The following MAST4 variants were observed in gnomAD, a reference collection of about 807,000 sequenced individuals.
MAST4 encodes microtubule-associated serine/threonine-protein kinase 4.
In MAST4, 89 loss-of-function variants were observed where a neutral mutation model predicts 162.7. The observed-to-expected ratio is 0.55, with a 90% CI of 0.46 to 0.65. The LOEUF is 0.65. Among genes scored for constraint, MAST4 ranks in the 30% least tolerant of loss-of-function variants. The pLI is 0.00. For missense variants in MAST4, 3,153 were observed against 3,374.0 expected, an observed-to-expected ratio of 0.93 and a Z score of 1.62; for synonymous variants, 1,479 against 1,361.1, an observed-to-expected ratio of 1.09 and a Z score of -1.91.
Position 66,614,312 on chromosome 5 carries a change from A to G in MAST4, c.363+17294A>G, listed in dbSNP as rs372559612. Reference sequence around the variant, plus strand: ...TATTTTTATTATAACCACAGTGTGTACTCTGGACTTTTGAAATTTGTAGCT... The same window carrying G: ...TATTTTTATTATAACCACAGTGTGTGCTCTGGACTTTTGAAATTTGTAGCT... On this transcript the variant is annotated intron_variant, in intron 1 of 28. Transcript: ENST00000403625. 2.3e-4 allele frequency among the ~76,000 whole-genome samples: 35 copies of G among 152,252 alleles called. 1 individual carries two copies. Among genetic ancestry groups the G allele is most frequent in the African/African-American group, 7.9e-4 (33 of 41,538 alleles).
In MAST4 at chr5:66,812,650, C is replaced by T. The variant is rs561701629; in HGVS notation, c.642+23856C>T. Among the ~76,000 whole-genome samples, 291 of 152,236 alleles carry T rather than the reference C, an allele frequency of 1.9e-3. 1 individual carries two copies. The highest frequency in any genetic ancestry group is 3.2e-3 in the Non-Finnish European group (221 of 68,010). On this transcript the variant is annotated intron_variant, in intron 3 of 28. Transcript: ENST00000403625. ...ACGGTTGAATTAGGGAGTTGTAGGG[C>T]TGAGGGTGAATGTGTGGATTTTGCA...
intron 2 of MAST4, among the ~76,000 whole-genome samples, chr5:66,783,567 TC>T (rs1392253107): frequency 6.6e-6 from 1 of 152,222 alleles, no homozygotes. Flanking sequence ...TAAGGACAGA[TC>T]AGTTACTGGA....
At chr5:66,703,160 G>A (rs80343313) in intron 1 of MAST4, among the ~76,000 whole-genome samples, 3,741 of 152,150 alleles carry the variant, frequency 0.025, 165 homozygotes, top group African/African-American at 0.086. Context: ...AGGGGAGTAG[G>A]GGGTAGGAGG....
At chr5:66,637,228 G>A (rs1745178584) in intron 1 of MAST4, among the ~76,000 whole-genome samples, 1 of 134,468 alleles carries the variant, frequency 7.4e-6, no homozygotes, top group Non-Finnish European at 1.5e-5. Flanking sequence ...TTGGGCATAG[G>A]ATTATTTCCA....
intron 3 of MAST4, among the ~76,000 whole-genome samples, chr5:66,808,450 CTTTATA>C (rs1467178306): frequency 5.9e-5 from 9 of 152,172 alleles, no homozygotes; most frequent in Admixed American, 3.9e-4. Flanking sequence ...GTTCAGAATA[CTTTATA>C]TTTAAAGATA....
intron 3 of MAST4, among the ~76,000 whole-genome samples, chr5:66,889,119 G>A (rs1316470132): frequency 1.3e-5 from 2 of 152,164 alleles, no homozygotes; most frequent in African/African-American, 4.8e-5. Context: ...AAAGTCGATG[G>A]TAACTTTCTT....
Position 67,164,815 on chromosome 5 carries a change from C to A in MAST4, c.5636C>A (p.Pro1879His). 1.2e-6 allele frequency: 2 copies of A among 1,614,024 alleles called. No individual in the cohort carries two copies. Among genetic ancestry groups the A allele is most frequent in the Non-Finnish European group, 1.7e-6 (2 of 1,179,902 alleles). The stretch of plus-strand genomic sequence containing the variant: ...CTGCTGGAGCCTTGGTTCCTGCCCC[C>A]CAGCCGAGGTCTCCAGAATTCACCA... ...SYLLEPWFLP[P>H]SRGLQNSPAV... is the part of the protein sequence containing the mutation. Residue 1879 changes from proline to histidine, a missense_variant, in exon 29 of 29, where the codon CCC becomes CAC. Pro to His is a moderately conservative substitution (Grantham distance 77). Transcript: ENST00000403625. The surrounding 1 kb of genome is among the most constrained non-coding windows in gnomAD (Gnocchi z 5.3).
intron 4 of MAST4, among the ~76,000 whole-genome samples, chr5:67,012,264 T>C (rs993436409): frequency 1.3e-5 from 2 of 152,212 alleles, no homozygotes; most frequent in Non-Finnish European, 2.9e-5. Context: ...AATTCCTGTG[T>C]GGAGATGGCC....
At chr5:66,810,378 C>T (rs1490835539) in intron 3 of MAST4, among the ~76,000 whole-genome samples, 1 of 152,206 alleles carries the variant, frequency 6.6e-6, no homozygotes, top group Non-Finnish European at 1.5e-5. Flanking sequence ...GTTCTGCTAT[C>T]TTTATGTCAC....
intron 5 of MAST4, among the ~76,000 whole-genome samples, chr5:67,069,238 A>G (rs1242470832): frequency 2.1e-5 from 3 of 145,682 alleles, no homozygotes; most frequent in East Asian, 2.0e-4. Flanking sequence ...ACTTTGAACA[A>G]TTCTCTTAAC....
In MAST4 at chr5:66,814,422, G is replaced by A. The variant is rs1483550412; in HGVS notation, c.642+25628G>A. The stretch of plus-strand genomic sequence containing the variant: ...TGCGCCTAATCAAGTATGAGGAGCA[G>A]CCACAGATATGTAAAAGAGGCCAGC... On this transcript the variant is annotated intron_variant, in intron 3 of 28. Coordinates refer to ENST00000403625, the MANE Select transcript of MAST4 (RefSeq NM_001164664.2). Among the ~76,000 whole-genome samples, 3 of 152,116 alleles carry A rather than the reference G, an allele frequency of 2.0e-5. No individual in the cohort carries two copies. In the East Asian group the frequency reaches 5.8e-4, roughly 29 times the overall value.
At chr5:66,897,609 C>G (rs551136596) in intron 3 of MAST4, among the ~76,000 whole-genome samples, 1 of 152,350 alleles carries the variant, frequency 6.6e-6, no homozygotes, top group Non-Finnish European at 1.5e-5. Context: ...AGTTTCCAGT[C>G]CTGAGCCTGA....
chr5:66,759,722 T>C lies in MAST4; in HGVS notation c.377T>C (p.Leu126Ser). 6.2e-7 allele frequency: 1 copy of C among 1,613,890 alleles called. No homozygotes were observed. Among genetic ancestry groups the C allele is most frequent in the Non-Finnish European group, 8.5e-7 (1 of 1,179,822 alleles). The change falls in exon 2 of 29, where the codon TTA (leucine) becomes TCA (serine). Residue 126 changes from leucine to serine, a missense_variant. Leu to Ser is a moderately radical substitution (Grantham distance 145, BLOSUM62 -2). Coordinates refer to ENST00000403625, the MANE Select transcript of MAST4 (RefSeq NM_001164664.2). ...CTCTTTCTGCAGCTTGACCACATAT[T>C]ATCCCCTCCACCCATGCCGTTTCGG... is the stretch of plus-strand genomic sequence containing the variant. Reference protein sequence around the residue: ...EEQDEELDHILSPPPMPFRKC... With the variant: ...EEQDEELDHISSPPPMPFRKC...
chr5:66,896,448 G>A (rs1762687844), intron 3 of MAST4, among the ~76,000 whole-genome samples: 1 of 152,050 alleles, frequency 6.6e-6, no homozygotes, highest in African/African-American at 2.4e-5. Context: ...CTATTATTTG[G>A]AAGTGAGTCA....
At chr5:66,775,107 T>C (rs1754536131) in intron 2 of MAST4, among the ~76,000 whole-genome samples, 1 of 152,036 alleles carries the variant, frequency 6.6e-6, no homozygotes, top group Admixed American at 6.6e-5. Context: ...TGATATACTG[T>C]ACTCTTTGAT....
At chr5:66,939,640 T>G (rs766685262) in intron 4 of MAST4, among the ~76,000 whole-genome samples, 9 of 152,156 alleles carry the variant, frequency 5.9e-5, no homozygotes, top group Non-Finnish European at 1.2e-4. Context: ...ACAGATAAAT[T>G]TTCTAGATCT....
chr5:66,901,658 G>A (rs1468305710), intron 4 of MAST4, among the ~76,000 whole-genome samples: 1 of 152,114 alleles, frequency 6.6e-6, no homozygotes, highest in Non-Finnish European at 1.5e-5. Context: ...CAGAAGATGA[G>A]CATGAAGCAC....
chr5:66,884,609 G>C (rs1022213725), intron 3 of MAST4, among the ~76,000 whole-genome samples: 2 of 152,198 alleles, frequency 1.3e-5, no homozygotes, highest in Non-Finnish European at 2.9e-5. Context: ...CTCATTGTAA[G>C]TGTTAATGTT....
chr5:66,617,879 A>G (rs1328618755), intron 1 of MAST4, among the ~76,000 whole-genome samples: 4 of 152,224 alleles, frequency 2.6e-5, no homozygotes, highest in Non-Finnish European at 5.9e-5. Context: ...CAGGAATGCA[A>G]TAAGCAGAAT....
Sources: allele counts gnomAD v4.1 joint callset (sites outside exome capture counted in the v4.1 genomes callset), GRCh38; gene constraint gnomAD v4.1.1; non-coding constraint Gnocchi (gnomAD v3.1); transcripts MANE v1.5; gene names NCBI Gene and HGNC (gene_info 2026-07-23, HGNC 2026-07-21).